Variants in SPAG16 observed in about 807,000 individuals in gnomAD.
SPAG16 encodes the protein sperm-associated antigen 16 protein.
In SPAG16, 86 loss-of-function variants were observed where a neutral mutation model predicts 80.4. That is an observed-to-expected ratio of 1.07 (90% CI 0.90 to 1.28). SPAG16 has a LOEUF of 1.28. Among genes scored for constraint, SPAG16 ranks in the 50% most tolerant of loss-of-function variants. The probability of loss-of-function intolerance (pLI) is 0.00; values close to 1 mark genes in which losing one functional copy is unlikely to be tolerated. For synonymous variants in SPAG16, 294 were observed against 265.9 expected, an observed-to-expected ratio of 1.11 and a Z score of -1.03; for missense variants, 870 against 765.3, an observed-to-expected ratio of 1.14 and a Z score of -1.61.
chr2:213,632,925 A>C (rs897045486), intron 10 of SPAG16, among the ~76,000 whole-genome samples: 1 of 152,092 alleles, frequency 6.6e-6, no homozygotes, highest in Admixed American at 6.6e-5. Context: ...ATTCACCTGT[A>C]GTTTTCTTCT....
At chr2:214,406,342 A>G (rs1263350534) in intron 15 of SPAG16, among the ~76,000 whole-genome samples, 1 of 152,196 alleles carries the variant, frequency 6.6e-6, no homozygotes. Context: ...AAGTGTCAAT[A>G]TTACACATTT....
chr2:213,934,081 G>A (rs1203081170), intron 12 of SPAG16, among the ~76,000 whole-genome samples: 3 of 152,210 alleles, frequency 2.0e-5, no homozygotes, highest in African/African-American at 4.8e-5. Context: ...GGAACCTACA[G>A]TGGAACTAAG....
chr2:214,190,248 TA>T (rs61210663), intron 15 of SPAG16, among the ~76,000 whole-genome samples: 7,847 of 152,168 alleles, frequency 0.052, 699 homozygotes, highest in African/African-American at 0.18. Context: ...GGTAGTTGAC[TA>T]AGATTAAAAG....
intron 10 of SPAG16, among the ~76,000 whole-genome samples, chr2:213,672,855 G>GTTTTTTTTTTTTTT (rs1559363006): frequency 7.5e-6 from 1 of 133,598 alleles, no homozygotes; most frequent in African/African-American, 2.8e-5. Context: ...GTTTTATTTT[G>GTTTTTTTTTTTTTT]TTTGTTTTTT....
chr2:213,416,289 G>A (rs867806297), intron 9 of SPAG16, among the ~76,000 whole-genome samples: 5 of 152,358 alleles, frequency 3.3e-5, no homozygotes, highest in Non-Finnish European at 5.9e-5. Context: ...TTGTCTGTGA[G>A]CTACAGGCTG....
intron 15 of SPAG16, chr2:214,239,960 T>C (rs1463031850): frequency 6.6e-6 from 1 of 152,106 alleles, no homozygotes; most frequent in African/African-American, 2.4e-5. Context: ...GTAGGAAATG[T>C]TACCCATCAT....
chr2:213,734,067 A>T (rs550845410), intron 10 of SPAG16, among the ~76,000 whole-genome samples: 1 of 152,240 alleles, frequency 6.6e-6, no homozygotes, highest in Non-Finnish European at 1.5e-5. Context: ...AACATCTGTC[A>T]CTTCTCTGTC....
In SPAG16 at chr2:213,936,062, G is replaced by A. The variant is rs12471409; in HGVS notation, c.1400+5917G>A. Reference sequence around the variant, plus strand: ...AAAGGGTTGCAATTTTAAACAGGAAGGTCGAGAAAATTCTTGTTATAAAGT... The same window carrying A: ...AAAGGGTTGCAATTTTAAACAGGAAAGTCGAGAAAATTCTTGTTATAAAGT... On this transcript the variant is annotated intron_variant, in intron 12 of 15. Coordinates refer to ENST00000331683, the MANE Select transcript of SPAG16 (RefSeq NM_024532.5). Among the ~76,000 whole-genome samples, 156 of 152,228 alleles carry A rather than the reference G, an allele frequency of 1.0e-3. 2 individuals are homozygous for A. The highest frequency in any genetic ancestry group is 9.5e-3 in the Admixed American group (145 of 15,292).
At chr2:214,112,639 CTTTTTTTTT>C (rs56776022) in intron 14 of SPAG16, among the ~76,000 whole-genome samples, 1 of 112,802 alleles carries the variant, frequency 8.9e-6, no homozygotes, top group East Asian at 2.6e-4. Flanking sequence ...GCAACCCCTG[CTTTTTTTTT>C]TTTTTTTTGG....
At chr2:213,592,405 A>G (rs2060728579) in intron 10 of SPAG16, among the ~76,000 whole-genome samples, 3 of 152,234 alleles carry the variant, frequency 2.0e-5, no homozygotes, top group Non-Finnish European at 4.4e-5. Flanking sequence ...TCTACATACT[A>G]ATATTCTGAA....
chr2:214,281,199 C>G (rs1692905453), intron 15 of SPAG16: 1 of 330,364 alleles, frequency 3.0e-6, no homozygotes, highest in Admixed American at 3.4e-5. Flanking sequence ...AGCCAACCTT[C>G]ACGCCATATT....
At chr2:214,031,449 GA>G (rs1244831129) in intron 13 of SPAG16, among the ~76,000 whole-genome samples, 1 of 79,508 alleles carries the variant, frequency 1.3e-5, no homozygotes, top group Non-Finnish European at 2.4e-5. Flanking sequence ...GGGGTGGGGG[GA>G]GGGGGGAGGG....
intron 10 of SPAG16, among the ~76,000 whole-genome samples, chr2:213,611,739 G>A (rs969845714): frequency 6.6e-6 from 1 of 151,980 alleles, no homozygotes; most frequent in Non-Finnish European, 1.5e-5. Context: ...GCTAATAATA[G>A]GTGATAACAT....
intron 15 of SPAG16, among the ~76,000 whole-genome samples, chr2:214,258,484 T>TATATATGTACATATATAC (rs1690878566): frequency 6.7e-6 from 1 of 149,222 alleles, no homozygotes; most frequent in African/African-American, 2.4e-5. Flanking sequence ...TATATATATA[T>TATATATGTACATATATAC]ATATATACAC....
At chr2:214,019,552 GC>G (rs2047754841) in intron 13 of SPAG16, among the ~76,000 whole-genome samples, 1 of 152,162 alleles carries the variant, frequency 6.6e-6, no homozygotes, top group Admixed American at 6.6e-5. Flanking sequence ...ACTTGTCACT[GC>G]GAGTTTCTAT....
At chr2:213,301,072 A>C (rs956768443) in intron 3 of SPAG16, among the ~76,000 whole-genome samples, 1 of 152,160 alleles carries the variant, frequency 6.6e-6, no homozygotes, top group African/African-American at 2.4e-5. Flanking sequence ...ACGGAAAAAA[A>C]CGCAATTACT....
At chr2:214,161,034 T>C (rs188274314) in intron 15 of SPAG16, among the ~76,000 whole-genome samples, 20 of 152,234 alleles carry the variant, frequency 1.3e-4, no homozygotes, top group Middle Eastern at 3.4e-3. Context: ...CTCCCACTTA[T>C]AAGTGAGAAC....
intron 5 of SPAG16, among the ~76,000 whole-genome samples, chr2:213,337,543 C>A (rs2064432702): frequency 6.6e-6 from 1 of 152,122 alleles, no homozygotes; most frequent in East Asian, 1.9e-4. Flanking sequence ...CCTGATCAAG[C>A]TGAGAAACAC....
At chr2:213,921,444 C>A (rs909036799) in intron 11 of SPAG16, among the ~76,000 whole-genome samples, 1 of 152,078 alleles carries the variant, frequency 6.6e-6, no homozygotes, top group African/African-American at 2.4e-5. Flanking sequence ...TGAGATGGGT[C>A]TCTTGAAGAC....
Sources: gnomAD v4.1 joint callset for allele counts (sites outside exome capture counted in the v4.1 genomes callset) on GRCh38, gnomAD v4.1.1 for gene constraint, MANE v1.5 for transcripts, NCBI Gene and HGNC (gene_info 2026-07-23, HGNC 2026-07-21) for gene names.